EFNB2: variants seen among roughly 807,000 people sequenced by gnomAD.
EFNB2 encodes ephrin B2.
Under a neutral mutation model 32.1 loss-of-function variants are expected in EFNB2, and 5 were observed. The observed-to-expected ratio is 0.16, with a 90% CI of 0.08 to 0.33. The LOEUF (loss-of-function observed/expected upper bound fraction) is 0.33, where lower values mean the gene tolerates loss of function less well. Ranked by LOEUF, EFNB2 falls within the 10% of genes least tolerant of loss-of-function variation. The pLI is 1.00. For missense variants in EFNB2, 263 were observed against 422.6 expected (o/e 0.62, Z 3.31); for synonymous variants, 168 against 166.5 (o/e 1.01, Z -0.07).
rs1385211592 is a variant in EFNB2 at position 106,491,536 on chromosome 13, G to A, written c.*1504C>T. ...TGTTCTATATACCTATTATAAATAC[G>A]TCCTATCTTCCTTCTCCCCCTGGAC... On this transcript the variant is annotated 3_prime_UTR_variant, in exon 5 of 5. Coordinates refer to ENST00000646441, the MANE Select transcript of EFNB2 (RefSeq NM_004093.4). The A allele has an allele frequency of 2.6e-5, 4 of 152,312 alleles. No individual in the cohort carries two copies. The highest frequency in any genetic ancestry group is 4.8e-5 in the African/African-American group (2 of 41,344). The allele number at this position is 152,312 out of a possible 1,614,324, so 9.4% of individuals were successfully genotyped here.
intron 2 of EFNB2, among the ~76,000 whole-genome samples, chr13:106,509,189 A>T (rs1328323046): frequency 6.6e-6 from 1 of 152,246 alleles, no homozygotes; most frequent in Non-Finnish European, 1.5e-5. Flanking sequence ...ACTAGCAAGT[A>T]GGACTCTAGG....
chr13:106,511,732 G>A (rs1003102879), intron 2 of EFNB2, among the ~76,000 whole-genome samples: 7 of 152,050 alleles, frequency 4.6e-5, no homozygotes, highest in South Asian at 2.1e-4. Flanking sequence ...CTTGAATGAC[G>A]CGAACAGCTG....
At chr13:106,504,134 C>T (rs745371918) in intron 2 of EFNB2, among the ~76,000 whole-genome samples, 2 of 152,122 alleles carry the variant, frequency 1.3e-5, no homozygotes, top group Non-Finnish European at 2.9e-5. Flanking sequence ...TGCCAAGATA[C>T]GAAAAGGTCT....
chr13:106,515,725 G>C (rs1190598722), intron 1 of EFNB2, among the ~76,000 whole-genome samples: 1 of 152,192 alleles, frequency 6.6e-6, no homozygotes, highest in South Asian at 2.1e-4. Context: ...TGGCTTCTCA[G>C]TGGACAGAGT....
intron 2 of EFNB2, among the ~76,000 whole-genome samples, chr13:106,501,171 T>C (rs1395189772): frequency 6.6e-6 from 1 of 152,236 alleles, no homozygotes; most frequent in East Asian, 1.9e-4. Context: ...GTTTCACAGT[T>C]ATCTTTTAAG....
At chr13:106,504,689 C>T (rs1234227983) in intron 2 of EFNB2, among the ~76,000 whole-genome samples, 1 of 152,184 alleles carries the variant, frequency 6.6e-6, no homozygotes, top group African/African-American at 2.4e-5. Context: ...AACTGTCACC[C>T]AGCCTGGCTC....
intron 2 of EFNB2, among the ~76,000 whole-genome samples, chr13:106,505,485 CAA>C (rs1356913219): frequency 6.6e-6 from 1 of 152,198 alleles, no homozygotes; most frequent in Non-Finnish European, 1.5e-5. Context: ...CAAAGTGAGA[CAA>C]GAGTATGTGA....
chr13:106,497,295 C>T (rs1205750696), intron 2 of EFNB2, among the ~76,000 whole-genome samples: 1 of 152,100 alleles, frequency 6.6e-6, no homozygotes, highest in African/African-American at 2.4e-5. Flanking sequence ...ACTTTACAGT[C>T]TCACAATTGC....
chr13:106,517,024 G>A (rs1391467181), intron 1 of EFNB2: 1 of 152,088 alleles, frequency 6.6e-6, no homozygotes, highest in African/African-American at 2.4e-5. Context: ...GGAAGTGATG[G>A]GGTTTATATT....
intron 1 of EFNB2, among the ~76,000 whole-genome samples, chr13:106,531,329 T>C (rs918749927): frequency 4.6e-5 from 7 of 152,258 alleles, no homozygotes; most frequent in East Asian, 1.9e-4. Context: ...TCAGTTGTCC[T>C]GCAGAACAAC....
intron 2 of EFNB2, among the ~76,000 whole-genome samples, chr13:106,512,011 C>T (rs953382390): frequency 6.6e-6 from 1 of 152,284 alleles, no homozygotes; most frequent in African/African-American, 2.4e-5. Context: ...GACCTGTCAT[C>T]CCCATCTTTC....
rs766358928 is a variant in EFNB2, at chr13:106,534,803, C to A, written c.122+40G>T. The stretch of plus-strand genomic sequence containing the variant: ...CTCCCGCCCGGACGGCGCGGCGGAC[C>A]CCGGGGCGGGGACATAGGGGGATCG... On this transcript the variant is annotated intron_variant, in intron 1 of 4. Coordinates refer to ENST00000646441, the MANE Select transcript of EFNB2 (RefSeq NM_004093.4). 7 of 1,582,298 alleles carry A rather than the reference C, an allele frequency of 4.4e-6. No homozygotes were observed. In the African/African-American group the frequency reaches 6.8e-5, roughly 15 times the overall value.
chr13:106,507,494 T>C (rs1426025280), intron 2 of EFNB2, among the ~76,000 whole-genome samples: 2 of 152,228 alleles, frequency 1.3e-5, no homozygotes, highest in South Asian at 2.1e-4. Flanking sequence ...TTTGATTCTT[T>C]AAGAATATTG....
chr13:106,502,715 C>G (rs181141171), intron 2 of EFNB2, among the ~76,000 whole-genome samples: 174 of 152,322 alleles, frequency 1.1e-3, no homozygotes, highest in African/African-American at 4.0e-3. Flanking sequence ...CGCATAAAGC[C>G]TTTTAACCAT....
chr13:106,496,129 A>G (rs969359201), intron 2 of EFNB2, among the ~76,000 whole-genome samples: 22 of 152,204 alleles, frequency 1.4e-4, no homozygotes, highest in African/African-American at 5.3e-4. Flanking sequence ...TTAGTCTATA[A>G]ATAAAAGGGA....
chr13:106,534,392 C>T (rs1879985764), intron 1 of EFNB2, among the ~76,000 whole-genome samples: 1 of 152,164 alleles, frequency 6.6e-6, no homozygotes, highest in African/African-American at 2.4e-5. Flanking sequence ...CAGCGTCCTG[C>T]CACCCCGGTC....
At chr13:106,530,788 C>T (rs916592024) in intron 1 of EFNB2, among the ~76,000 whole-genome samples, 1 of 152,120 alleles carries the variant, frequency 6.6e-6, no homozygotes, top group Non-Finnish European at 1.5e-5. Context: ...CGGGAGCTAC[C>T]TGGAAGATTT....
chr13:106,535,148 C>T lies in EFNB2; in HGVS notation c.-184G>A. 2.0e-6 allele frequency: 1 copy of T among 500,182 alleles called. No homozygotes were observed. The highest frequency in any genetic ancestry group is 6.7e-5 in the East Asian group (1 of 14,976). 31.0% of individuals were successfully genotyped at this position (500,182 alleles called of 1,614,324 possible). ...AGGTGCGCTCGCTCTCCGGGGCCCT[C>T]AGGGCGCGGGGCGGGAGCGCACGCG... On this transcript the variant is annotated 5_prime_UTR_variant, in exon 1 of 5. Coordinates refer to ENST00000646441, the MANE Select transcript of EFNB2 (RefSeq NM_004093.4).
At position 106,489,904 on chromosome 13, in the gene EFNB2, AAG is replaced by A. The variant is rs1479616378; in HGVS notation, c.*3134_*3135del. 1 of 152,640 alleles carries A rather than the reference AAG, an allele frequency of 6.6e-6. No homozygotes were observed. The allele number at this position is 152,640 out of a possible 1,614,324, so 9.5% of individuals were successfully genotyped here. ...ACAGGCTATTAAAATAAAACAAAGA[AAG>A]AAAAAAATATTTATAACTCAGGCAT... is the stretch of plus-strand genomic sequence containing the variant. On this transcript the variant is annotated 3_prime_UTR_variant, in exon 5 of 5. Coordinates refer to ENST00000646441, the MANE Select transcript of EFNB2 (RefSeq NM_004093.4).
Sources: gnomAD v4.1 joint callset for allele counts (sites outside exome capture counted in the v4.1 genomes callset) on GRCh38, gnomAD v4.1.1 for gene constraint, MANE v1.5 for transcripts, NCBI Gene and HGNC (gene_info 2026-07-23, HGNC 2026-07-21) for gene names.